The following GCNT1 variants were observed in gnomAD, a reference collection of about 807,000 sequenced individuals.
GCNT1 encodes the protein glucosaminyl (N-acetyl) transferase 1.
Under a neutral mutation model 26.2 loss-of-function variants are expected in GCNT1, and 16 were observed. That is an observed-to-expected ratio of 0.61 (90% CI 0.41 to 0.93). GCNT1 has a LOEUF of 0.93. Ranked by LOEUF, GCNT1 falls within the 40% of genes least tolerant of loss-of-function variation. The probability of loss-of-function intolerance (pLI) is 0.00; values close to 1 mark genes in which losing one functional copy is unlikely to be tolerated. For missense variants in GCNT1, 477 were observed against 526.7 expected (o/e 0.91, Z 0.92); for synonymous variants, 183 against 190.8 (o/e 0.96, Z 0.34).
intron 2 of GCNT1, among the ~76,000 whole-genome samples, chr9:76,463,852 G>A (rs190922028): frequency 6.6e-6 from 1 of 152,234 alleles, no homozygotes; most frequent in East Asian, 1.9e-4. Flanking sequence ...TAACCTGGTT[G>A]AGGGGAGAGG....
chr9:76,489,073 CA>C (rs1391242017), intron 2 of GCNT1, among the ~76,000 whole-genome samples: 2 of 152,286 alleles, frequency 1.3e-5, no homozygotes, highest in East Asian at 3.9e-4. Flanking sequence ...TACTTGAAAA[CA>C]GGGTTCAGCT....
At chr9:76,454,386 G>GAAAAAAAA (rs71372084), upstream of GCNT1, among the ~76,000 whole-genome samples, 12 of 39,610 alleles carry the variant, frequency 3.0e-4, no homozygotes, top group East Asian at 8.8e-4. Flanking sequence ...TCTCAGAAAA[G>GAAAAAAAA]AAAAAAAAAA....
At chr9:76,444,564 A>C (rs565704539) in intron 1 of GCNT1, among the ~76,000 whole-genome samples, 1 of 152,340 alleles carries the variant, frequency 6.6e-6, no homozygotes, top group South Asian at 2.1e-4. Context: ...AAGTTTAGAT[A>C]AATGTCTGCT....
chr9:76,394,266 A>T, the GCNT1 span: 2 of 1,299,632 alleles, frequency 1.5e-6, no homozygotes, highest in Non-Finnish European at 2.1e-6. Context: ...CAGCCGGGGG[A>T]CAGGAGCGTG....
chr9:76,465,182 C>T (rs192440914), intron 2 of GCNT1, among the ~76,000 whole-genome samples: 51 of 143,522 alleles, frequency 3.6e-4, no homozygotes, highest in African/African-American at 8.8e-4. Context: ...TTTTTTTAGA[C>T]GGAGCCTTGC....
Position 76,494,455 on chromosome 9 carries a change from T to A in GCNT1, c.-289-6461T>A, listed in dbSNP as rs1042567348. 3.9e-5 allele frequency among the ~76,000 whole-genome samples: 6 copies of A among 152,332 alleles called. 1 individual carries two copies. In the South Asian group the frequency reaches 1.2e-3, roughly 32 times the overall value. The stretch of plus-strand genomic sequence containing the variant: ...CCAGGGTTGGAAGAGTGACACATTT[T>A]GTTCTCACTTCTCATCATATGAATA... On this transcript the variant is annotated intron_variant, in intron 2 of 3. Transcript: ENST00000376730.
At chr9:76,485,722 G>T (rs1284083689) in intron 2 of GCNT1, among the ~76,000 whole-genome samples, 1 of 148,036 alleles carries the variant, frequency 6.8e-6, no homozygotes, top group Non-Finnish European at 1.5e-5. Context: ...TTGATTACTG[G>T]ATCCTGTCTC....
At chr9:76,413,662 T>TTTTTG in the GCNT1 span, among the ~76,000 whole-genome samples, 16 of 114,488 alleles carry the variant, frequency 1.4e-4, no homozygotes, top group South Asian at 2.7e-4. Context: ...TGTTTTTTTT[T>TTTTTG]TTTTTGTTTT....
intron 2 of GCNT1, among the ~76,000 whole-genome samples, chr9:76,462,907 TAAAAAG>T (rs1244828879): frequency 2.0e-5 from 3 of 152,300 alleles, no homozygotes; most frequent in Non-Finnish European, 4.4e-5. Context: ...TCATAAAGTT[TAAAAAG>T]TTGAAAATGA....
At chr9:76,465,456 G>A (rs1363262479) in intron 2 of GCNT1, among the ~76,000 whole-genome samples, 1 of 152,180 alleles carries the variant, frequency 6.6e-6, no homozygotes, top group Non-Finnish European at 1.5e-5. Context: ...CGCTGTTGCT[G>A]TGTAGAGAAT....
At chr9:76,489,174 A>T (rs574031424) in intron 2 of GCNT1, among the ~76,000 whole-genome samples, 1 of 152,310 alleles carries the variant, frequency 6.6e-6, no homozygotes. Flanking sequence ...CTCTATCTAG[A>T]GAGCACATTT....
chr9:76,433,638 C>A (rs1823366924), intron 1 of GCNT1, among the ~76,000 whole-genome samples: 1 of 152,212 alleles, frequency 6.6e-6, no homozygotes, highest in South Asian at 2.1e-4. Flanking sequence ...AGGATCCATG[C>A]TGGAGTGCAA....
chr9:76,401,673 T>C, the GCNT1 span, among the ~76,000 whole-genome samples: 1 of 152,202 alleles, frequency 6.6e-6, no homozygotes, highest in African/African-American at 2.4e-5. Context: ...ATATGGGAGA[T>C]GCCCAGGGAA....
chr9:76,397,737 G>A, the GCNT1 span, among the ~76,000 whole-genome samples: 1 of 152,034 alleles, frequency 6.6e-6, no homozygotes. Context: ...TTCCACCACC[G>A]CTCAATAGCG....
At chr9:76,468,280 C>T (rs1325910057) in intron 2 of GCNT1, among the ~76,000 whole-genome samples, 1 of 152,136 alleles carries the variant, frequency 6.6e-6, no homozygotes, top group African/African-American at 2.4e-5. Flanking sequence ...AGCTGGAGCC[C>T]TGCTCACCTG....
At chr9:76,415,544 C>T (rs1376095893), upstream of GCNT1, among the ~76,000 whole-genome samples, 1 of 152,084 alleles carries the variant, frequency 6.6e-6, no homozygotes, top group African/African-American at 2.4e-5. Context: ...ATGGCCTAGC[C>T]AAAGAACCTA....
At chr9:76,419,424 C>G (rs1304390341), upstream of GCNT1, among the ~76,000 whole-genome samples, 1 of 152,180 alleles carries the variant, frequency 6.6e-6, no homozygotes, top group Non-Finnish European at 1.5e-5. Context: ...AATTCCAGCA[C>G]TTTGGGAGGC....
upstream of GCNT1, among the ~76,000 whole-genome samples, chr9:76,457,376 G>A (rs1228759522): frequency 6.6e-6 from 1 of 152,200 alleles, no homozygotes; most frequent in Non-Finnish European, 1.5e-5. Context: ...AGCCTCCTGA[G>A]TAGCTGGGAC....
intron 1 of GCNT1, among the ~76,000 whole-genome samples, chr9:76,451,120 T>C (rs1823658247): frequency 6.6e-6 from 1 of 152,262 alleles, no homozygotes; most frequent in Non-Finnish European, 1.5e-5. Context: ...AAGTAGTACC[T>C]TACTCTTTTA....
Sources: gnomAD v4.1 joint callset for allele counts (sites outside exome capture counted in the v4.1 genomes callset) on GRCh38, gnomAD v4.1.1 for gene constraint, MANE v1.5 for transcripts, NCBI Gene and HGNC (gene_info 2026-07-23, HGNC 2026-07-21) for gene names.